SLC17A5: variants seen among roughly 807,000 people sequenced by gnomAD.
The protein encoded by SLC17A5 is solute carrier family 17 member 5, also known as sialin.
A neutral mutation model predicts 59.4 loss-of-function variants in SLC17A5; 47 were observed. The observed-to-expected ratio is 0.79, with a 90% confidence interval of 0.63 to 1.01. The LOEUF (loss-of-function observed/expected upper bound fraction) is 1.01, where lower values mean the gene tolerates loss of function less well. Among genes scored for constraint, SLC17A5 ranks in the 50% least tolerant of loss-of-function variants. The pLI, the probability that SLC17A5 is intolerant of heterozygous loss-of-function variation, is 0.00. For missense variants in SLC17A5, 522 were observed against 595.5 expected (o/e 0.88, Z 1.28); for synonymous variants, 202 against 210.7 (o/e 0.96, Z 0.36).
chr6:73,622,302 T>C lies in SLC17A5; in HGVS notation c.820-340A>G, dbSNP rs974505211. On this transcript the variant is annotated intron_variant, in intron 6 of 10. Coordinates refer to ENST00000355773, the MANE Select transcript of SLC17A5 (RefSeq NM_012434.5). ...GATTTATCTATTTCTTTCTTTCTTT[T>C]TTTTTTTTTTCTTTTTTGAGACAAG... Among the ~76,000 whole-genome samples the C allele has an allele frequency of 9.9e-5, 15 of 151,930 alleles. 1 individual carries two copies. The highest frequency in any genetic ancestry group is 2.1e-4 in the South Asian group (1 of 4,822).
At chr6:73,616,677 T>C (rs565836) in intron 7 of SLC17A5, among the ~76,000 whole-genome samples, 57,394 of 150,930 alleles carry the variant, frequency 0.38, 12,145 homozygotes, top group African/African-American at 0.57. Flanking sequence ...GGCGTGATCT[T>C]GGCTCATTGC....
chr6:73,638,538 G>T, intron 3 of SLC17A5, 39 bp from the exon 4 acceptor site: 1 of 1,513,924 alleles, frequency 6.6e-7, no homozygotes, highest in Non-Finnish European at 9.2e-7. Context: ...TGAAATGTAA[G>T]GTAGTTTTGT....
At chr6:73,596,437 C>A (rs138538841) in intron 10 of SLC17A5, among the ~76,000 whole-genome samples, 155 of 152,260 alleles carry the variant, frequency 1.0e-3, no homozygotes, top group African/African-American at 3.6e-3. Flanking sequence ...AGTGTATAAC[C>A]CTGTGGCATA....
intron 4 of SLC17A5, among the ~76,000 whole-genome samples, chr6:73,637,400 C>T (rs1769064617): frequency 6.6e-6 from 1 of 152,152 alleles, no homozygotes; most frequent in South Asian, 2.1e-4. Flanking sequence ...AAAAGGGAAC[C>T]TTAGATAGTA....
chr6:73,647,622 C>T (rs1769641615), intron 1 of SLC17A5, among the ~76,000 whole-genome samples: 1 of 151,984 alleles, frequency 6.6e-6, no homozygotes, highest in Non-Finnish European at 1.5e-5. Flanking sequence ...TATGATATAC[C>T]TTATCATGTG....
At chr6:73,596,101 T>G (rs1383619090) in intron 10 of SLC17A5, among the ~76,000 whole-genome samples, 1 of 151,914 alleles carries the variant, frequency 6.6e-6, no homozygotes, top group Non-Finnish European at 1.5e-5. Flanking sequence ...CCACCACGCC[T>G]GGCCTGGATT....
chr6:73,651,477 A>C (rs1562003382), intron 1 of SLC17A5, among the ~76,000 whole-genome samples: 1 of 150,730 alleles, frequency 6.6e-6, no homozygotes, highest in African/African-American at 2.4e-5. Context: ...AAAAAAAAAA[A>C]AAAAAAATCA....
intron 6 of SLC17A5, among the ~76,000 whole-genome samples, chr6:73,626,774 T>C (rs1768438995): frequency 6.6e-6 from 1 of 152,228 alleles, no homozygotes; most frequent in Non-Finnish European, 1.5e-5. Flanking sequence ...ACTGAATAAC[T>C]AAATTTTTTT....
intron 2 of SLC17A5, among the ~76,000 whole-genome samples, chr6:73,644,059 A>T (rs1304999196): frequency 6.6e-6 from 1 of 152,234 alleles, no homozygotes; most frequent in Non-Finnish European, 1.5e-5. Flanking sequence ...TATAAGTGAT[A>T]TAGGGTTATA....
At chr6:73,600,508 C>CTTT (rs11349241) in intron 9 of SLC17A5, 67 bp from the exon 10 acceptor site, 56 of 793,422 alleles carry the variant, frequency 7.1e-5, no homozygotes, top group Middle Eastern at 2.7e-4. Flanking sequence ...TTCTTTCCTT[C>CTTT]TTTTTTTTTT....
chr6:73,652,881 C>G (rs995750585), intron 1 of SLC17A5: 2 of 241,504 alleles, frequency 8.3e-6, no homozygotes, highest in Admixed American at 6.5e-5. Flanking sequence ...ACGCACAGAT[C>G]TTTGAAACTA....
rs1376218044 is a variant in SLC17A5, at chr6:73,602,667, C to T, written c.1260-2226G>A. On this transcript the variant is annotated intron_variant, in intron 9 of 10. Coordinates refer to ENST00000355773, the MANE Select transcript of SLC17A5 (RefSeq NM_012434.5). ...GCAGGCGCCTCTAGTCCCAGCTACT[C>T]GGGAGGCTGAGGCAGGAGAATGGCG... Among the ~76,000 whole-genome samples the T allele has an allele frequency of 2.0e-5, 3 of 151,726 alleles. No individual in the cohort carries two copies. In the South Asian group the frequency reaches 6.2e-4, roughly 32 times the overall value.
chr6:73,635,242 C>T, intron 6 of SLC17A5, 140 bp downstream of exon 6: 1 of 591,872 alleles, frequency 1.7e-6, no homozygotes, highest in Non-Finnish European at 3.0e-6. Flanking sequence ...CCAGACAATA[C>T]TTTGGATGTT....
At position 73,622,058 on chromosome 6, in the gene SLC17A5, A is replaced by G. The variant is rs9442936; in HGVS notation, c.820-96T>C. 2.5e-3 allele frequency: 2,960 copies of G among 1,204,096 alleles called. 26 individuals carry two copies. The highest frequency in any genetic ancestry group is 0.023 in the African/African-American group (1,544 of 66,182). 74.6% of individuals were successfully genotyped at this position (1,204,096 alleles called of 1,614,324 possible). ...AAACTCTATCCAGAATTCATACAGAATATCACCTTAATTAGTAAACTCCAA... is the reference window on the plus strand; with the variant it reads ...AAACTCTATCCAGAATTCATACAGAGTATCACCTTAATTAGTAAACTCCAA... On this transcript the variant is annotated intron_variant, in intron 6 of 10. Coordinates refer to ENST00000355773, the MANE Select transcript of SLC17A5 (RefSeq NM_012434.5).
At position 73,635,481 on chromosome 6, in the gene SLC17A5, C is replaced by T. The variant is rs1768951378; in HGVS notation, c.720G>A (p.Trp240Ter). Residue 240 changes from tryptophan to a stop codon, truncating the protein, a stop_gained, in exon 6 of 11, where the codon TGG (tryptophan) becomes TGA (stop). Coordinates refer to ENST00000355773, the MANE Select transcript of SLC17A5 (RefSeq NM_012434.5). LOFTEE classifies it high-confidence loss of function. ...FYFFGTIGIFWFLLWIWLVSD... is the reference protein window; with the variant it reads ...FYFFGTIGIF ...TAACTAACCAGATCCACAAAAGAAACCAAAATATTCCAATAGTACCTTAAA... is the reference window on the plus strand; with the variant it reads ...TAACTAACCAGATCCACAAAAGAAATCAAAATATTCCAATAGTACCTTAAA... The T allele has an allele frequency of 6.4e-7, 1 of 1,558,900 alleles. No homozygotes were observed. Among genetic ancestry groups the T allele is most frequent in the Non-Finnish European group, 8.8e-7 (1 of 1,134,574 alleles).
intron 6 of SLC17A5, among the ~76,000 whole-genome samples, chr6:73,634,768 T>A (rs568950764): frequency 2.0e-5 from 3 of 152,308 alleles, no homozygotes; most frequent in South Asian, 2.1e-4. Flanking sequence ...CCTTTGAGCA[T>A]CATGTGGGTT....
rs1314619334 is a variant in SLC17A5, at chr6:73,601,705, G to A, written c.1260-1264C>T. On this transcript the variant is annotated intron_variant, in intron 9 of 10. Transcript: ENST00000355773. ...AGGGAGGTGGGGTGGTCAGCCCCCC[G>A]CCCGGCCAGCCGCCCCGTCCGGGAG... Among the ~76,000 whole-genome samples, 2 of 110,974 alleles carry A rather than the reference G, an allele frequency of 1.8e-5. 1 individual carries two copies. Among genetic ancestry groups the A allele is most frequent in the Non-Finnish European group, 3.8e-5 (2 of 52,346 alleles). 72.8% of individuals were successfully genotyped at this position (110,974 alleles called of 152,430 possible).
At chr6:73,606,143 A>G (rs1767382459) in intron 9 of SLC17A5, among the ~76,000 whole-genome samples, 2 of 151,994 alleles carry the variant, frequency 1.3e-5, no homozygotes, top group African/African-American at 4.8e-5. Context: ...CCTGGGTTCA[A>G]GCAATTCTCA....
chr6:73,625,528 T>C (rs1018476050), intron 6 of SLC17A5, among the ~76,000 whole-genome samples: 2 of 152,084 alleles, frequency 1.3e-5, no homozygotes, highest in Non-Finnish European at 2.9e-5. Context: ...TGTACAGATA[T>C]AGGGAAAGAG....
Sources: gnomAD v4.1 joint callset for allele counts (sites outside exome capture counted in the v4.1 genomes callset) on GRCh38, gnomAD v4.1.1 for gene constraint, MANE v1.5 for transcripts, NCBI Gene and HGNC (gene_info 2026-07-23, HGNC 2026-07-21) for gene names.